FUT8: variants seen among roughly 807,000 people sequenced by gnomAD.
FUT8 encodes the protein fucosyltransferase 8.
A neutral mutation model predicts 71.3 loss-of-function variants in FUT8; 29 were observed. The ratio of observed to expected loss-of-function variants is 0.41; its 90% confidence interval spans 0.30 to 0.55. The LOEUF (loss-of-function observed/expected upper bound fraction) is 0.55. Among genes scored for constraint, FUT8 ranks in the 20% least tolerant of loss-of-function variants. The pLI, the probability that FUT8 is intolerant of heterozygous loss-of-function variation, is 0.34. For synonymous variants in FUT8, 254 were observed against 239.3 expected, an observed-to-expected ratio of 1.06 and a Z score of -0.57; for missense variants, 544 against 702.1, an observed-to-expected ratio of 0.77 and a Z score of 2.55.
At chr14:65,376,491 A>T in the FUT8 span, among the ~76,000 whole-genome samples, 3 of 137,758 alleles carry the variant, frequency 2.2e-5, no homozygotes, top group African/African-American at 7.6e-5. Context: ...GTTCACTGCA[A>T]CCTCCACCTC....
chr14:65,632,568 AT>A (rs766313176), intron 6 of FUT8, among the ~76,000 whole-genome samples: 7 of 148,374 alleles, frequency 4.7e-5, no homozygotes, highest in Admixed American at 3.3e-4. Context: ...TTTTGGTGGG[AT>A]TTTTTTTTTC....
chr14:65,706,032 C>G (rs57012661), intron 7 of FUT8, among the ~76,000 whole-genome samples: 21,042 of 152,136 alleles, frequency 0.14, 1,996 homozygotes, highest in East Asian at 0.48. Flanking sequence ...AAATAAAGAA[C>G]TAACATTTTC....
intron 2 of FUT8, among the ~76,000 whole-genome samples, chr14:65,529,873 ACT>A (rs1883816409): frequency 6.6e-6 from 1 of 151,868 alleles, no homozygotes; most frequent in African/African-American, 2.4e-5. Context: ...CTATTGAGTG[ACT>A]CTCTGTTGGA....
chr14:65,646,434 T>C (rs1891127927), intron 6 of FUT8: 1 of 152,230 alleles, frequency 6.6e-6, no homozygotes, highest in Admixed American at 6.5e-5. Flanking sequence ...CTAGTTAAAA[T>C]TTTGTTTTAA....
At chr14:65,565,974 A>G (rs1382613240) in intron 3 of FUT8, among the ~76,000 whole-genome samples, 1 of 151,894 alleles carries the variant, frequency 6.6e-6, no homozygotes, top group African/African-American at 2.4e-5. Context: ...ATAAAAAACA[A>G]AAACATGGTG....
At chr14:65,711,708 G>T (rs1480843529) in intron 7 of FUT8, among the ~76,000 whole-genome samples, 1 of 151,968 alleles carries the variant, frequency 6.6e-6, no homozygotes, top group Non-Finnish European at 1.5e-5. Context: ...CTCTTAACTG[G>T]CACCCTAGAT....
At chr14:65,497,122 A>C (rs1186471962) in intron 2 of FUT8, among the ~76,000 whole-genome samples, 2 of 152,192 alleles carry the variant, frequency 1.3e-5, no homozygotes, top group Non-Finnish European at 2.9e-5. Context: ...TTGTATGTGT[A>C]TATTAGAGTA....
At chr14:65,513,468 A>G (rs1422977701) in intron 2 of FUT8, among the ~76,000 whole-genome samples, 1 of 151,952 alleles carries the variant, frequency 6.6e-6, no homozygotes, top group Non-Finnish European at 1.5e-5. Context: ...TAGTTAAGAT[A>G]GGAAATGACA....
intron 6 of FUT8, among the ~76,000 whole-genome samples, chr14:65,655,803 A>G (rs1163166326): frequency 1.3e-5 from 2 of 152,248 alleles, no homozygotes; most frequent in Non-Finnish European, 2.9e-5. Flanking sequence ...GAATTGTTCA[A>G]CATACACAAA....
rs1281967567 is a variant in FUT8, at chr14:65,550,989, G to A, written c.-227-10348G>A. The stretch of plus-strand genomic sequence containing the variant: ...CATCTTAGCATAAATTTTTGCATGT[G>A]GAATTTCTTGTCAAAGGGCATGTGT... On this transcript the variant is annotated intron_variant, in intron 2 of 10. Transcript: ENST00000673929. This position sits in a 1 kb window ranked among gnomAD's most constrained non-coding sequence, Gnocchi z 4.5. Among the ~76,000 whole-genome samples the A allele has an allele frequency of 2.0e-5, 3 of 152,100 alleles. No homozygotes were observed. The highest frequency in any genetic ancestry group is 4.4e-5 in the Non-Finnish European group (3 of 68,012).
At chr14:65,637,143 A>G (rs1406743882) in intron 6 of FUT8, among the ~76,000 whole-genome samples, 1 of 152,030 alleles carries the variant, frequency 6.6e-6, no homozygotes, top group Non-Finnish European at 1.5e-5. Flanking sequence ...TATTGTTTCT[A>G]TTTCTGTAGT....
Position 65,625,386 on chromosome 14 carries a change from CT to C in FUT8, c.483-4105del, listed in dbSNP as rs371717905. 4.9e-3 allele frequency among the ~76,000 whole-genome samples: 751 copies of C among 152,164 alleles called. 7 individuals are homozygous for C. Among genetic ancestry groups the C allele is most frequent in the African/African-American group, 0.017 (713 of 41,516 alleles). On this transcript the variant is annotated intron_variant, in intron 5 of 10. Coordinates refer to ENST00000673929, the MANE Select transcript of FUT8 (RefSeq NM_001371533.1). ...AGTAACTATAAAAAAATACTGTAGT[CT>C]ACATAATAGTCCATAGAGGACTCAG...
At chr14:65,576,354 G>A (rs927091377) in intron 3 of FUT8, among the ~76,000 whole-genome samples, 6 of 152,142 alleles carry the variant, frequency 3.9e-5, no homozygotes, top group African/African-American at 1.4e-4. Context: ...TGACTAACAA[G>A]GTTTGTGTGA....
At chr14:65,403,444 A>G in the FUT8 span, among the ~76,000 whole-genome samples, 117 of 152,344 alleles carry the variant, frequency 7.7e-4, no homozygotes, top group African/African-American at 2.7e-3. Flanking sequence ...ATGTTTCTCA[A>G]TCCTGTTGGC....
At chr14:65,717,791 G>T (rs899946790) in intron 7 of FUT8, among the ~76,000 whole-genome samples, 4 of 150,552 alleles carry the variant, frequency 2.7e-5, no homozygotes, top group Non-Finnish European at 5.9e-5. Context: ...CAGACGGGGC[G>T]GCCAGGCAGA....
chr14:65,453,987 C>CATAGGCCTTA, intron 1 of FUT8, among the ~76,000 whole-genome samples: 1 of 152,230 alleles, frequency 6.6e-6, no homozygotes, highest in South Asian at 2.1e-4. Context: ...CCAGGGTGGT[C>CATAGGCCTTA]ATAGGCCTTA....
intron 2 of FUT8, among the ~76,000 whole-genome samples, chr14:65,547,065 A>G (rs951594949): frequency 1.3e-5 from 2 of 151,466 alleles, no homozygotes; most frequent in East Asian, 1.9e-4. Context: ...CTCTAGTAAT[A>G]CTACAGATAG....
chr14:65,714,064 G>A (rs1894935447), intron 7 of FUT8, among the ~76,000 whole-genome samples: 1 of 152,126 alleles, frequency 6.6e-6, no homozygotes, highest in African/African-American at 2.4e-5. Context: ...AGAGATAGGG[G>A]CCTAGTTTCA....
chr14:65,559,013 A>G (rs1385632275), intron 2 of FUT8, among the ~76,000 whole-genome samples: 2 of 152,162 alleles, frequency 1.3e-5, no homozygotes, highest in Non-Finnish European at 2.9e-5. Context: ...TAAAAAATGG[A>G]AAGTATTTTT....
Sources: allele counts gnomAD v4.1 joint callset (sites outside exome capture counted in the v4.1 genomes callset), GRCh38; gene constraint gnomAD v4.1.1; non-coding constraint Gnocchi (gnomAD v3.1); transcripts MANE v1.5; gene names NCBI Gene and HGNC (gene_info 2026-07-23, HGNC 2026-07-21).